The following MARCHF1 variants were observed in gnomAD, a reference collection of about 807,000 sequenced individuals.
MARCHF1 encodes the protein E3 ubiquitin-protein ligase MARCHF1.
In MARCHF1, 40 loss-of-function variants were observed where a neutral mutation model predicts 54.2. The observed-to-expected ratio is 0.74, with a 90% confidence interval of 0.57 to 0.96. The LOEUF is 0.96. MARCHF1 is among the 40% of genes least tolerant of loss of function. The probability of loss-of-function intolerance (pLI) is 0.00; values close to 1 mark genes in which losing one functional copy is unlikely to be tolerated. For missense variants in MARCHF1, 586 were observed against 656.5 expected, an observed-to-expected ratio of 0.89 and a Z score of 1.17; for synonymous variants, 236 against 236.3, an observed-to-expected ratio of 1.00 and a Z score of 0.01.
intron 2 of MARCHF1, among the ~76,000 whole-genome samples, chr4:164,100,028 C>A (rs1167551167): frequency 1.3e-5 from 2 of 152,066 alleles, no homozygotes; most frequent in African/African-American, 2.4e-5. Flanking sequence ...ATCTGTATTC[C>A]ATAAATGAAT....
chr4:164,264,320 C>A (rs138124327), intron 1 of MARCHF1, among the ~76,000 whole-genome samples: 6,425 of 152,006 alleles, frequency 0.042, 418 homozygotes, highest in African/African-American at 0.15. Flanking sequence ...AAAACAGACA[C>A]TGGGGTCTAC....
At chr4:163,779,267 C>T (rs551910465) in intron 4 of MARCHF1, among the ~76,000 whole-genome samples, 2 of 151,988 alleles carry the variant, frequency 1.3e-5, no homozygotes, top group South Asian at 2.1e-4. Flanking sequence ...TAGAATCACA[C>T]AATGATATAA....
chr4:163,856,155 C>A (rs1292118436), intron 3 of MARCHF1, among the ~76,000 whole-genome samples: 1 of 152,092 alleles, frequency 6.6e-6, no homozygotes, highest in African/African-American at 2.4e-5. Flanking sequence ...CAGCTGTCAA[C>A]AAATCATCAT....
intron 4 of MARCHF1, among the ~76,000 whole-genome samples, chr4:163,717,228 T>C (rs1745292419): frequency 1.4e-5 from 2 of 146,674 alleles, no homozygotes; most frequent in South Asian, 2.2e-4. Flanking sequence ...TTCCCACCTA[T>C]GAGTGAGAAC....
chr4:164,245,189 C>T (rs1485422457), intron 1 of MARCHF1, among the ~76,000 whole-genome samples: 1 of 152,292 alleles, frequency 6.6e-6, no homozygotes, highest in Non-Finnish European at 1.5e-5. Context: ...CCTTGATGAA[C>T]ATTGATGCAA....
At chr4:163,961,556 G>GAGC in intron 3 of MARCHF1, among the ~76,000 whole-genome samples, 1 of 151,764 alleles carries the variant, frequency 6.6e-6, no homozygotes, top group East Asian at 1.9e-4. Flanking sequence ...ACCTTTTCAC[G>GAGC]TGCTACCCTT....
chr4:163,774,370 A>G (rs1197092809), intron 4 of MARCHF1, among the ~76,000 whole-genome samples: 2 of 152,192 alleles, frequency 1.3e-5, no homozygotes, highest in African/African-American at 2.4e-5. Context: ...TGAAGTGATT[A>G]TCTTTGGAAT....
intron 1 of MARCHF1, among the ~76,000 whole-genome samples, chr4:164,262,575 TC>T (rs1733497881): frequency 6.6e-6 from 1 of 152,168 alleles, no homozygotes; most frequent in Admixed American, 6.5e-5. Flanking sequence ...TCAGAATTAC[TC>T]AAGTCTTAGA....
At chr4:163,725,478 CA>C (rs60252263) in intron 4 of MARCHF1, among the ~76,000 whole-genome samples, 6,580 of 120,210 alleles carry the variant, frequency 0.055, 161 homozygotes, top group Admixed American at 0.072. Flanking sequence ...ACACTATCTC[CA>C]AAAAAAAAAA....
Position 163,785,214 on chromosome 4 carries a change from T to C in MARCHF1, c.111+68807A>G, listed in dbSNP as rs912927093. Among the ~76,000 whole-genome samples, 11 of 152,216 alleles carry C rather than the reference T, an allele frequency of 7.2e-5. No individual in the cohort carries two copies. The East Asian group carries it at 2.1e-3, about 29-fold the overall frequency. ...CTTAACGTGATTAAAATTTAAGTAC[T>C]CCAATTTGAAGATCTCCATAGTCAC... On this transcript the variant is annotated intron_variant, in intron 4 of 9. Transcript: ENST00000514618.
intron 2 of MARCHF1, among the ~76,000 whole-genome samples, chr4:164,102,747 TA>T (rs1209147834): frequency 1.3e-5 from 2 of 150,944 alleles, no homozygotes; most frequent in East Asian, 3.9e-4. Flanking sequence ...ATGACAGGAT[TA>T]AATTCACACA....
intron 4 of MARCHF1, among the ~76,000 whole-genome samples, chr4:163,810,854 C>T (rs1449488908): frequency 6.6e-6 from 1 of 152,090 alleles, no homozygotes; most frequent in African/African-American, 2.4e-5. Flanking sequence ...CCCTTCCATC[C>T]ACCTTCCACA....
chr4:164,369,156 G>A (rs1015574555), intron 1 of MARCHF1, among the ~76,000 whole-genome samples: 2 of 152,168 alleles, frequency 1.3e-5, no homozygotes, highest in Non-Finnish European at 2.9e-5. Flanking sequence ...CTTGGCAGCT[G>A]AGACAGACCC....
chr4:163,774,086 T>G (rs1026458401), intron 4 of MARCHF1, among the ~76,000 whole-genome samples: 2 of 152,184 alleles, frequency 1.3e-5, no homozygotes, highest in African/African-American at 2.4e-5. Flanking sequence ...CAGCAGATAC[T>G]AAAATCCACA....
intron 1 of MARCHF1, among the ~76,000 whole-genome samples, chr4:164,163,396 C>G (rs1466792390): frequency 6.6e-6 from 1 of 151,976 alleles, no homozygotes; most frequent in Non-Finnish European, 1.5e-5. Context: ...CCCTGAAGAA[C>G]TTGCTCTTGA....
intron 5 of MARCHF1, among the ~76,000 whole-genome samples, chr4:163,687,266 C>G (rs1367943156): frequency 6.7e-6 from 1 of 150,112 alleles, no homozygotes; most frequent in Non-Finnish European, 1.5e-5. Context: ...CTTGCTCTGT[C>G]ACCCAGGCTG....
chr4:163,764,021 T>C (rs928205988), intron 4 of MARCHF1, among the ~76,000 whole-genome samples: 1 of 152,076 alleles, frequency 6.6e-6, no homozygotes, highest in Non-Finnish European at 1.5e-5. Context: ...TGTACACCAC[T>C]GCAGGCAGCT....
chr4:163,830,303 T>C (rs1748982226), intron 4 of MARCHF1, among the ~76,000 whole-genome samples: 1 of 150,600 alleles, frequency 6.6e-6, no homozygotes, highest in Admixed American at 6.6e-5. Flanking sequence ...ATAAATTATA[T>C]GTAAATTCAT....
chr4:164,289,378 T>C (rs1206803374), intron 1 of MARCHF1, among the ~76,000 whole-genome samples: 1 of 152,014 alleles, frequency 6.6e-6, no homozygotes, highest in African/African-American at 2.4e-5. Context: ...TTAGATTTTG[T>C]TGATATCTGG....
Sources: gnomAD v4.1 joint callset for allele counts (sites outside exome capture counted in the v4.1 genomes callset) on GRCh38, gnomAD v4.1.1 for gene constraint, MANE v1.5 for transcripts, NCBI Gene and HGNC (gene_info 2026-07-23, HGNC 2026-07-21) for gene names.